PLEKHH1: variants seen among roughly 807,000 people sequenced by gnomAD.
PLEKHH1 encodes pleckstrin homology domain-containing family H member 1.
In PLEKHH1, 104 loss-of-function variants were observed where a neutral mutation model predicts 160.0. The observed-to-expected ratio is 0.65, with a 90% CI of 0.55 to 0.76. The LOEUF is 0.76. Ranked by LOEUF, PLEKHH1 falls within the 30% of genes least tolerant of loss-of-function variation. The pLI, the probability that PLEKHH1 is intolerant of heterozygous loss-of-function variation, is 0.00. For missense variants in PLEKHH1, 1,427 were observed against 1,724.1 expected, an observed-to-expected ratio of 0.83 and a Z score of 3.05; for synonymous variants, 619 against 678.4, an observed-to-expected ratio of 0.91 and a Z score of 1.36.
At position 67,589,249 on chromosome 14, in the gene PLEKHH1, C is replaced by G. The variant is rs1165368271; in HGVS notation, c.*2014C>G. 1.4e-6 allele frequency: 1 copy of G among 690,956 alleles called. No homozygotes were observed. Among genetic ancestry groups the G allele is most frequent in the African/African-American group, 1.9e-5 (1 of 51,502 alleles). The allele number at this position is 690,956 out of a possible 1,614,324, so 42.8% of individuals were successfully genotyped here. The stretch of plus-strand genomic sequence containing the variant: ...TTCCCCCACCCTCTCTCCTCCCCAA[C>G]CCTTCAGGAACCCTTTAGTTTATTA... On this transcript the variant is annotated 3_prime_UTR_variant, in exon 29 of 29. Coordinates refer to ENST00000329153, the MANE Select transcript of PLEKHH1 (RefSeq NM_020715.3).
intron 6 of PLEKHH1, 26 bp from the exon 7 acceptor site, chr14:67,562,110 AT>A: frequency 6.2e-7 from 1 of 1,611,536 alleles, no homozygotes; most frequent in South Asian, 1.1e-5. Flanking sequence ...GGAGCTCTCA[AT>A]GTGACTGTTT....
chr14:67,579,118 T>TATTC lies in PLEKHH1; in HGVS notation c.2850-16_2850-15insATTC. 2 of 1,310,382 alleles carry TATTC rather than the reference T, an allele frequency of 1.5e-6. No individual in the cohort carries two copies. The highest frequency in any genetic ancestry group is 2.1e-6 in the Non-Finnish European group (2 of 962,906). The allele number at this position is 1,310,382 out of a possible 1,614,324, so 81.2% of individuals were successfully genotyped here. ...ATGAGCAGAGCCCATAATACTCCCC[T>TATTC]CTTCCGTCTTTTTAGAAGTGAAACT... On this transcript the variant is annotated splice_polypyrimidine_tract_variant and intron_variant, in intron 20 of 28. Coordinates refer to ENST00000329153, the MANE Select transcript of PLEKHH1 (RefSeq NM_020715.3).
At chr14:67,541,729 C>T in intron 1 of PLEKHH1, 105 bp from the exon 2 acceptor site, 1 of 738,786 alleles carries the variant, frequency 1.4e-6, no homozygotes, top group Non-Finnish European at 2.1e-6. Flanking sequence ...TTTCTCTTCC[C>T]CAGCCCTGTT....
intron 15 of PLEKHH1, 86 bp downstream of exon 15, chr14:67,575,558 A>G (rs2035588536): frequency 3.7e-6 from 3 of 820,262 alleles, no homozygotes; most frequent in African/African-American, 1.7e-5. Context: ...GAAAGTCCCT[A>G]CCCCACGTAA....
intron 24 of PLEKHH1, among the ~76,000 whole-genome samples, chr14:67,583,340 C>T (rs983293484): frequency 5.9e-5 from 9 of 152,072 alleles, no homozygotes; most frequent in Non-Finnish European, 8.8e-5. Flanking sequence ...CTGGGATTTG[C>T]GCCAGGTGTC....
At chr14:67,549,632 T>C (rs551031391) in intron 2 of PLEKHH1, among the ~76,000 whole-genome samples, 1 of 152,158 alleles carries the variant, frequency 6.6e-6, no homozygotes, top group African/African-American at 2.4e-5. Flanking sequence ...CACCATAGTA[T>C]TTCTCAGGAA....
intron 21 of PLEKHH1, 60 bp from the exon 22 acceptor site, chr14:67,579,661 A>G: frequency 6.5e-7 from 1 of 1,533,782 alleles, no homozygotes; most frequent in East Asian, 2.3e-5. Flanking sequence ...CACCTCCACC[A>G]GCCCTAGTGA....
At chr14:67,560,698 T>A (rs2034795098) in intron 5 of PLEKHH1, among the ~76,000 whole-genome samples, 1 of 152,038 alleles carries the variant, frequency 6.6e-6, no homozygotes, top group South Asian at 2.1e-4. Context: ...GGAGTGGGAA[T>A]TGCAGTTTGG....
At position 67,589,374 on chromosome 14, in the gene PLEKHH1, A is replaced by G. The variant is rs1465659235; in HGVS notation, c.*2139A>G. On this transcript the variant is annotated 3_prime_UTR_variant, in exon 29 of 29. Transcript: ENST00000329153. ...TCCCATGTCTGAAAACCAAAGTCCA[A>G]TTTCTGTCTGGCCTTTTGTCTCATC... 2 of 984,552 alleles carry G rather than the reference A, an allele frequency of 2.0e-6. No homozygotes were observed. Among genetic ancestry groups the G allele is most frequent in the African/African-American group, 3.5e-5 (2 of 57,316 alleles). 61.0% of individuals were successfully genotyped at this position (984,552 alleles called of 1,614,324 possible). A position where few individuals can be genotyped will look rare whatever the true frequency, so the allele number is the denominator to read the frequency against.
Position 67,575,958 on chromosome 14 carries a change from A to C in PLEKHH1, c.2305A>C (p.Thr769Pro). 4.3e-6 allele frequency: 7 copies of C among 1,613,998 alleles called. No individual in the cohort carries two copies. Among genetic ancestry groups the C allele is most frequent in the Non-Finnish European group, 5.9e-6 (7 of 1,179,864 alleles). ...CCACTGCACCCTGGTGATCCACCCC[A>C]CAGAGCACAGCCCCACCTACCTCCT... is the stretch of plus-strand genomic sequence containing the variant. ...SSHCTLVIHP[T>P]EHSPTYLLIG... Residue 769 changes from threonine to proline, a missense_variant, in exon 16 of 29, where the codon ACA becomes CCA. This residue lies in a region of PLEKHH1 where 436 missense variants were observed against 607.5 expected (regional missense o/e 0.72). Transcript: ENST00000329153.
chr14:67,552,270 C>G (rs892067920), intron 2 of PLEKHH1, among the ~76,000 whole-genome samples: 13 of 152,342 alleles, frequency 8.5e-5, no homozygotes, highest in Non-Finnish European at 1.3e-4. Context: ...GACCCTGGAA[C>G]AGCCAAATAA....
chr14:67,573,845 C>G lies in PLEKHH1; in HGVS notation c.1884C>G (p.Ser628=). Residue 628 remains serine (S), a synonymous_variant, in exon 13 of 29, where the codon TCC becomes TCG. Coordinates refer to ENST00000329153, the MANE Select transcript of PLEKHH1 (RefSeq NM_020715.3). The surrounding 1 kb of genome is among the most constrained non-coding windows in gnomAD (Gnocchi z 4.8). ...CTCAAGGCCAAGTGGATCTGAACTC[C>G]CGCTGCCAAATTGTTCGAGGGGAGG... ...RKPQGQVDLN[S]RCQIVRGEGS... is the part of the protein sequence containing the mutation. The G allele has an allele frequency of 1.2e-6, 2 of 1,613,814 alleles. No homozygotes were observed. Among genetic ancestry groups the G allele is most frequent in the Non-Finnish European group, 1.7e-6 (2 of 1,179,736 alleles).
In PLEKHH1 at chr14:67,541,929, T is replaced by C. The variant is rs764820974; in HGVS notation, c.62T>C (p.Leu21Pro). The part of the protein sequence containing the change: ...SVDWQKRCLT[L>P]ETQLFRFRLQ... ...GACTGGCAGAAACGCTGCCTGACCCTGGAAACTCAGCTTTTCCGGTTCCGC... is the reference window on the plus strand; with the variant it reads ...GACTGGCAGAAACGCTGCCTGACCCCGGAAACTCAGCTTTTCCGGTTCCGC... The change falls in exon 2 of 29, where the codon CTG (leucine) becomes CCG (proline). Residue 21 changes from leucine (L) to proline (P), a missense_variant. Leu to Pro is a moderately conservative substitution (Grantham distance 98, BLOSUM62 -3). Transcript: ENST00000329153. The C allele has an allele frequency of 6.2e-7, 1 of 1,606,576 alleles. No homozygotes were observed. The highest frequency in any genetic ancestry group is 1.1e-5 in the South Asian group (1 of 89,224).
At position 67,589,237 on chromosome 14, in the gene PLEKHH1, T is replaced by A; in HGVS notation, c.*2002T>A. On this transcript the variant is annotated 3_prime_UTR_variant, in exon 29 of 29. Coordinates refer to ENST00000329153, the MANE Select transcript of PLEKHH1 (RefSeq NM_020715.3). ...GGGTCAATCTATTTCCCCCACCCTCTCTCCTCCCCAACCCTTCAGGAACCC... is the reference window on the plus strand; with the variant it reads ...GGGTCAATCTATTTCCCCCACCCTCACTCCTCCCCAACCCTTCAGGAACCC... 1.8e-6 allele frequency: 1 copy of A among 541,920 alleles called. No homozygotes were observed. The highest frequency in any genetic ancestry group is 2.4e-6 in the Non-Finnish European group (1 of 424,632). 33.6% of individuals were successfully genotyped at this position (541,920 alleles called of 1,614,324 possible). A position where few individuals can be genotyped will look rare whatever the true frequency, so the allele number is the denominator to read the frequency against.
intron 2 of PLEKHH1, 128 bp downstream of exon 2, chr14:67,542,121 A>T: frequency 1.1e-6 from 1 of 901,918 alleles, no homozygotes; most frequent in Non-Finnish European, 1.6e-6. Context: ...ATGCAAAATG[A>T]AACCCAAGGT....
At chr14:67,550,467 G>T (rs559751090) in intron 2 of PLEKHH1, among the ~76,000 whole-genome samples, 3 of 152,332 alleles carry the variant, frequency 2.0e-5, no homozygotes, top group Middle Eastern at 6.8e-3. Context: ...TGGATTACAG[G>T]CGTGCACCAC....
At chr14:67,581,868 T>G in intron 23 of PLEKHH1, 2 of 561,020 alleles carry the variant, frequency 3.6e-6, no homozygotes, top group Non-Finnish European at 6.4e-6. Flanking sequence ...TGCCCTCCTG[T>G]TGGTATGAGA....
intron 2 of PLEKHH1, among the ~76,000 whole-genome samples, chr14:67,549,273 A>ATTT (rs113718534): frequency 5.0e-5 from 7 of 139,998 alleles, no homozygotes; most frequent in African/African-American, 1.8e-4. Flanking sequence ...GAGATTTTTA[A>ATTT]TTTTTTTTTT....
rs1356167815 is a variant in PLEKHH1 at position 67,562,551 on chromosome 14, G to A, written c.920G>A (p.Gly307Asp). 1 of 1,609,276 alleles carries A rather than the reference G, an allele frequency of 6.2e-7. No homozygotes were observed. The highest frequency in any genetic ancestry group is 8.5e-7 in the Non-Finnish European group (1 of 1,176,164). The change falls in exon 7 of 29, where the codon GGC becomes GAC. Residue 307 changes from glycine (G) to aspartate (D), a missense_variant. Gly to Asp is a moderately conservative substitution (Grantham distance 94). Coordinates refer to ENST00000329153, the MANE Select transcript of PLEKHH1 (RefSeq NM_020715.3). ...TKTSAREGGP[G>D]SSLTLPKVRA... ...ACCTCTGCCAGGGAAGGTGGTCCTGGCAGCAGTCTGACCCTACCAAAGGTG... is the reference window on the plus strand; with the variant it reads ...ACCTCTGCCAGGGAAGGTGGTCCTGACAGCAGTCTGACCCTACCAAAGGTG...
Sources: allele counts gnomAD v4.1 joint callset (sites outside exome capture counted in the v4.1 genomes callset), GRCh38; gene constraint gnomAD v4.1.1; regional missense constraint gnomAD v4.1.1; non-coding constraint Gnocchi (gnomAD v3.1); transcripts MANE v1.5; gene names NCBI Gene and HGNC (gene_info 2026-07-23, HGNC 2026-07-21).